The following CNTN5 variants were observed in gnomAD, a reference collection of about 807,000 sequenced individuals.
CNTN5 encodes contactin 5.
CNTN5 carries 77 observed loss-of-function variants against 129.1 expected under a neutral mutation model. The observed-to-expected ratio is 0.60, with a 90% CI of 0.50 to 0.72. CNTN5 has a LOEUF of 0.72. Ranked by LOEUF, CNTN5 falls within the 30% of genes least tolerant of loss-of-function variation. The pLI, the probability that CNTN5 is intolerant of heterozygous loss-of-function variation, is 0.00. For missense variants in CNTN5, 1,478 were observed against 1,328.8 expected (o/e 1.11, Z -1.75); for synonymous variants, 509 against 465.6 (o/e 1.09, Z -1.20).
chr11:99,091,897 A>T (rs1186303682), intron 1 of CNTN5, among the ~76,000 whole-genome samples: 1 of 152,210 alleles, frequency 6.6e-6, no homozygotes, highest in Non-Finnish European at 1.5e-5. Flanking sequence ...TTGGTCAAAT[A>T]GTTTACATAC....
intron 3 of CNTN5, among the ~76,000 whole-genome samples, chr11:99,770,742 A>G (rs901755412): frequency 6.6e-6 from 1 of 152,054 alleles, no homozygotes; most frequent in Non-Finnish European, 1.5e-5. Flanking sequence ...ATCCAAAGTG[A>G]TCTACAAGTT....
intron 13 of CNTN5, among the ~76,000 whole-genome samples, chr11:100,078,537 G>A (rs571732681): frequency 3.4e-4 from 51 of 152,062 alleles, no homozygotes; most frequent in Non-Finnish European, 5.3e-4. Context: ...AGTTCGTAGC[G>A]TTTATGATTT....
At chr11:100,232,915 T>C (rs187098331) in intron 16 of CNTN5, among the ~76,000 whole-genome samples, 37 of 152,296 alleles carry the variant, frequency 2.4e-4, no homozygotes, top group South Asian at 1.7e-3. Flanking sequence ...CTCCATATTA[T>C]AATAATTATT....
rs1943877208 is a variant in CNTN5 at position 100,070,455 on chromosome 11, TACTC to T, written c.1196_1199del (p.Thr399SerfsTer2). The T allele has an allele frequency of 1.2e-6, 2 of 1,611,780 alleles. No individual in the cohort carries two copies. Among genetic ancestry groups the T allele is most frequent in the African/African-American group, 1.3e-5 (1 of 74,860 alleles). On this transcript the variant is annotated frameshift_variant, in exon 11 of 25. Transcript: ENST00000524871. LOFTEE classifies it high-confidence loss of function. ...CACACTGGGTAGAAAAACTGAATGA[TACTC>T]AGTTAGACAGTGGGAGCCCTCTCCG...
At chr11:99,705,597 G>T (rs1165768882) in intron 3 of CNTN5, among the ~76,000 whole-genome samples, 1 of 151,256 alleles carries the variant, frequency 6.6e-6, no homozygotes, top group Non-Finnish European at 1.5e-5. Flanking sequence ...TTGTTCTAGA[G>T]CAACTCATTT....
At chr11:99,672,600 A>G (rs904164126) in intron 3 of CNTN5, among the ~76,000 whole-genome samples, 3 of 150,782 alleles carry the variant, frequency 2.0e-5, no homozygotes, top group Non-Finnish European at 4.4e-5. Context: ...TCTATTAGGA[A>G]CTGAGAATTC....
intron 3 of CNTN5, among the ~76,000 whole-genome samples, chr11:99,735,423 T>C (rs991438804): frequency 6.6e-6 from 1 of 152,220 alleles, no homozygotes; most frequent in South Asian, 2.1e-4. Flanking sequence ...ACATAGACTA[T>C]TTCACCAATT....
chr11:99,961,974 A>G (rs1355550576), intron 8 of CNTN5, among the ~76,000 whole-genome samples: 1 of 146,502 alleles, frequency 6.8e-6, no homozygotes, highest in East Asian at 1.9e-4. Context: ...AGAGACATAT[A>G]GATAGATATA....
At chr11:99,346,311 A>AAAATTGTG (rs144054618) in intron 2 of CNTN5, among the ~76,000 whole-genome samples, 12,480 of 152,228 alleles carry the variant, frequency 0.082, 711 homozygotes, top group East Asian at 0.2. Flanking sequence ...ATGTAATGCA[A>AAAATTGTG]AAATTGTGAA....
intron 3 of CNTN5, among the ~76,000 whole-genome samples, chr11:99,742,760 ACT>A (rs1477246821): frequency 5.3e-5 from 8 of 151,868 alleles, no homozygotes; most frequent in African/African-American, 2.4e-5. Context: ...TTCTACTGAA[ACT>A]CTCTGCCTTG....
chr11:99,126,188 C>G (rs927776193), intron 1 of CNTN5, among the ~76,000 whole-genome samples: 1 of 152,120 alleles, frequency 6.6e-6, no homozygotes, highest in Non-Finnish European at 1.5e-5. Context: ...TCCACCGCAG[C>G]TCAATAACCG....
At chr11:99,037,153 C>G (rs1863776779) in intron 1 of CNTN5, among the ~76,000 whole-genome samples, 1 of 152,156 alleles carries the variant, frequency 6.6e-6, no homozygotes, top group Admixed American at 6.5e-5. Context: ...AGCCTGTTTT[C>G]TCATATTCAA....
intron 13 of CNTN5, among the ~76,000 whole-genome samples, chr11:100,093,925 G>A (rs1000101387): frequency 2.0e-5 from 3 of 152,082 alleles, no homozygotes; most frequent in Non-Finnish European, 4.4e-5. Flanking sequence ...TTTCCCTTCA[G>A]GGTGAACAGG....
intron 6 of CNTN5, among the ~76,000 whole-genome samples, chr11:99,906,788 G>A (rs1228626646): frequency 6.6e-6 from 1 of 151,934 alleles, no homozygotes; most frequent in Non-Finnish European, 1.5e-5. Context: ...CTTTTTTTTG[G>A]TTGGTAGGCT....
chr11:100,200,029 TAACAG>T (rs1038088561), intron 15 of CNTN5, among the ~76,000 whole-genome samples: 1 of 152,046 alleles, frequency 6.6e-6, no homozygotes, highest in Non-Finnish European at 1.5e-5. Flanking sequence ...TCTGTTTTCA[TAACAG>T]AATAGTTTGT....
chr11:99,491,161 C>G (rs1317110416), intron 2 of CNTN5, among the ~76,000 whole-genome samples: 1 of 152,082 alleles, frequency 6.6e-6, no homozygotes, highest in East Asian at 1.9e-4. Flanking sequence ...ATTGGGGATA[C>G]AAATTCAATC....
At chr11:100,103,400 G>A (rs987182934) in intron 13 of CNTN5, among the ~76,000 whole-genome samples, 6 of 152,178 alleles carry the variant, frequency 3.9e-5, no homozygotes, top group East Asian at 1.9e-4. Flanking sequence ...GTCTTGGAGC[G>A]CATCATGTAC....
At chr11:99,565,643 C>T (rs1231754329) in intron 3 of CNTN5, among the ~76,000 whole-genome samples, 1 of 152,138 alleles carries the variant, frequency 6.6e-6, no homozygotes, top group Non-Finnish European at 1.5e-5. Flanking sequence ...ATTCAGTTCT[C>T]CTGAAAAATG....
At chr11:100,103,406 T>C (rs1352660196) in intron 13 of CNTN5, among the ~76,000 whole-genome samples, 1 of 152,188 alleles carries the variant, frequency 6.6e-6, no homozygotes. Context: ...GAGCGCATCA[T>C]GTACTAATGT....
Sources: allele counts gnomAD v4.1 joint callset (sites outside exome capture counted in the v4.1 genomes callset), GRCh38; gene constraint gnomAD v4.1.1; transcripts MANE v1.5; gene names NCBI Gene and HGNC (gene_info 2026-07-23, HGNC 2026-07-21).